SLC22A3: variants seen among roughly 807,000 people sequenced by gnomAD.
SLC22A3 encodes solute carrier family 22 member 3.
SLC22A3 carries 51 observed loss-of-function variants against 59.1 expected under a neutral mutation model. The ratio of observed to expected loss-of-function variants is 0.86; its 90% CI spans 0.69 to 1.09. The LOEUF is 1.09. SLC22A3 is among the 50% of genes least tolerant of loss of function. The pLI, the probability that SLC22A3 is intolerant of heterozygous loss-of-function variation, is 0.00. For synonymous variants in SLC22A3, 325 were observed against 292.0 expected (o/e 1.11, Z -1.15); for missense variants, 711 against 726.3 (o/e 0.98, Z 0.24).
intron 1 of SLC22A3, among the ~76,000 whole-genome samples, chr6:160,358,606 C>T (rs974125851): frequency 2.0e-5 from 3 of 152,262 alleles, no homozygotes; most frequent in Non-Finnish European, 2.9e-5. Flanking sequence ...CTCAAGCCCC[C>T]GTGGATTCAG....
rs776498453 is a variant in SLC22A3, at chr6:160,437,007, G to A, written c.1084G>A (p.Ala362Thr). The change falls in exon 7 of 11, where the codon GCA becomes ACA. Residue 362 changes from alanine (A) to threonine (T), a missense_variant. Ala to Thr is a moderately conservative substitution (Grantham distance 58). Coordinates refer to ENST00000275300, the MANE Select transcript of SLC22A3 (RefSeq NM_021977.4). ...LILMFAWFTS[A>T]VVYQGLVMRL... ...TCAATGTTGCTACAGGTTCACAAGCGCAGTGGTGTATCAAGGACTTGTCAT... is the reference window on the plus strand; with the variant it reads ...TCAATGTTGCTACAGGTTCACAAGCACAGTGGTGTATCAAGGACTTGTCAT... The A allele has an allele frequency of 8.7e-6, 14 of 1,613,978 alleles. No homozygotes were observed. Among genetic ancestry groups the A allele is most frequent in the Middle Eastern group, 3.3e-4 (2 of 6,082 alleles).
chr6:160,402,008 A>G (rs1786803785), intron 2 of SLC22A3, among the ~76,000 whole-genome samples: 1 of 151,974 alleles, frequency 6.6e-6, no homozygotes, highest in African/African-American at 2.4e-5. Context: ...ATGATAACAA[A>G]TACGGTAGAC....
intron 5 of SLC22A3, among the ~76,000 whole-genome samples, chr6:160,431,551 G>A (rs1310118658): frequency 2.6e-5 from 4 of 151,968 alleles, no homozygotes; most frequent in African/African-American, 7.2e-5. Flanking sequence ...CCCTTCATTC[G>A]TTATCAACAC....
chr6:160,443,329 G>A (rs1000515544), intron 8 of SLC22A3, among the ~76,000 whole-genome samples: 1 of 152,322 alleles, frequency 6.6e-6, no homozygotes, highest in Admixed American at 6.5e-5. Context: ...CATTCCCTGG[G>A]CACACTTCTC....
intron 5 of SLC22A3, among the ~76,000 whole-genome samples, chr6:160,412,428 A>G (rs1458908333): frequency 1.3e-5 from 2 of 152,094 alleles, no homozygotes; most frequent in Admixed American, 1.3e-4. Flanking sequence ...GGTCATGTAT[A>G]TTTGGATTTC....
chr6:160,394,907 C>T (rs373741095), intron 1 of SLC22A3, among the ~76,000 whole-genome samples: 479 of 152,302 alleles, frequency 3.1e-3, no homozygotes, highest in South Asian at 0.012. Context: ...GGAGCTGGAG[C>T]TGCTGCCACA....
At chr6:160,419,174 T>C (rs1347326171) in intron 5 of SLC22A3, among the ~76,000 whole-genome samples, 3 of 152,208 alleles carry the variant, frequency 2.0e-5, no homozygotes, top group Admixed American at 6.5e-5. Context: ...CTGATTTTTT[T>C]TATTACCTTA....
chr6:160,447,918 TAAG>T, intron 10 of SLC22A3, 100 bp downstream of exon 10: 1 of 935,120 alleles, frequency 1.1e-6, no homozygotes, highest in East Asian at 2.5e-5. Flanking sequence ...GGGAAAAAAA[TAAG>T]AATAAATCCT....
intron 1 of SLC22A3, among the ~76,000 whole-genome samples, chr6:160,390,804 T>C (rs1331262832): frequency 6.6e-6 from 1 of 152,106 alleles, no homozygotes; most frequent in Admixed American, 6.5e-5. Context: ...TACCAGAAAC[T>C]GGGTGGTTTC....
At chr6:160,418,631 G>T (rs1000695000) in intron 5 of SLC22A3, among the ~76,000 whole-genome samples, 1 of 152,220 alleles carries the variant, frequency 6.6e-6, no homozygotes, top group African/African-American at 2.4e-5. Flanking sequence ...CCTGGATGAT[G>T]CAGCTACACA....
At chr6:160,371,151 C>T (rs1455988695) in intron 1 of SLC22A3, among the ~76,000 whole-genome samples, 1 of 152,312 alleles carries the variant, frequency 6.6e-6, no homozygotes, top group Non-Finnish European at 1.5e-5. Flanking sequence ...AACAACATGC[C>T]TCCCACCCAG....
rs762499642 is a variant in SLC22A3 at position 160,348,536 on chromosome 6, G to C, written c.117G>C (p.Val39=). The part of the protein sequence containing the change: ...GVTFAFLFVG[V]VFLGTQPDHY... ...CCTTCGCCTTCCTCTTCGTCGGCGT[G>C]GTCTTCCTGGGCACGCAGCCCGACC... The change falls in exon 1 of 11, where the codon GTG becomes GTC. Residue 39 remains valine, a synonymous_variant. Transcript: ENST00000275300. 3 of 1,561,094 alleles carry C rather than the reference G, an allele frequency of 1.9e-6. No individual in the cohort carries two copies. Among genetic ancestry groups the C allele is most frequent in the Non-Finnish European group, 2.6e-6 (3 of 1,162,530 alleles).
intron 1 of SLC22A3, among the ~76,000 whole-genome samples, chr6:160,351,357 C>T (rs1425974678): frequency 6.6e-6 from 1 of 152,170 alleles, no homozygotes; most frequent in South Asian, 2.1e-4. Flanking sequence ...CCTCGTGATC[C>T]GCCCGCCTTG....
At chr6:160,426,661 T>G (rs1487822500) in intron 5 of SLC22A3, among the ~76,000 whole-genome samples, 1 of 152,222 alleles carries the variant, frequency 6.6e-6, no homozygotes, top group Non-Finnish European at 1.5e-5. Flanking sequence ...GTGAGTGCAT[T>G]GCTTCCAACT....
intron 1 of SLC22A3, among the ~76,000 whole-genome samples, chr6:160,392,179 A>T (rs1207037356): frequency 1.3e-5 from 2 of 151,982 alleles, no homozygotes; most frequent in Admixed American, 6.6e-5. Flanking sequence ...TGTACTTCCC[A>T]GTCATGTGCC....
At chr6:160,371,123 C>T (rs765314894) in intron 1 of SLC22A3, among the ~76,000 whole-genome samples, 2 of 152,216 alleles carry the variant, frequency 1.3e-5, no homozygotes, top group Admixed American at 6.5e-5. Context: ...ACCCCAGTCT[C>T]TGTAGCCCTT....
intron 5 of SLC22A3, among the ~76,000 whole-genome samples, chr6:160,434,003 G>A (rs562100833): frequency 6.6e-6 from 1 of 152,326 alleles, no homozygotes; most frequent in African/African-American, 2.4e-5. Flanking sequence ...GTATTGATAT[G>A]TAGACAAGGG....
intron 7 of SLC22A3, among the ~76,000 whole-genome samples, chr6:160,439,558 G>A (rs1304079611): frequency 1.3e-5 from 2 of 152,050 alleles, no homozygotes; most frequent in East Asian, 1.9e-4. Context: ...GTAACTAGCC[G>A]GATAGTCATA....
At chr6:160,405,284 G>A (rs1193734959) in intron 2 of SLC22A3, among the ~76,000 whole-genome samples, 3 of 152,098 alleles carry the variant, frequency 2.0e-5, no homozygotes, top group African/African-American at 7.2e-5. Context: ...GTATACAGAT[G>A]ATAATAAGCA....
Sources: gnomAD v4.1 joint callset for allele counts (sites outside exome capture counted in the v4.1 genomes callset) on GRCh38, gnomAD v4.1.1 for gene constraint, MANE v1.5 for transcripts, NCBI Gene and HGNC (gene_info 2026-07-23, HGNC 2026-07-21) for gene names.